The following GAREM1 variants were observed in gnomAD, a reference collection of about 807,000 sequenced individuals.
GAREM1 encodes the protein GRB2 associated regulator of MAPK1 subtype 1, also known as GRB2-associated and regulator of MAPK protein 1.
A neutral mutation model predicts 71.3 loss-of-function variants in GAREM1; 26 were observed. The observed-to-expected ratio is 0.36, with a 90% confidence interval of 0.27 to 0.51. GAREM1 has a LOEUF of 0.51. GAREM1 is among the 20% of genes least tolerant of loss of function. The pLI, the probability that GAREM1 is intolerant of heterozygous loss-of-function variation, is 0.95. For synonymous variants in GAREM1, 440 were observed against 433.2 expected (o/e 1.02, Z -0.20); for missense variants, 1,026 against 1,103.1 (o/e 0.93, Z 0.99).
chr18:32,402,296 G>A (rs987520932), intron 1 of GAREM1, among the ~76,000 whole-genome samples: 2 of 151,972 alleles, frequency 1.3e-5, no homozygotes, highest in African/African-American at 4.8e-5. Context: ...GGATATGCTT[G>A]GATTTTACTT....
At chr18:32,406,733 T>C (rs768849931) in intron 1 of GAREM1, among the ~76,000 whole-genome samples, 9 of 152,044 alleles carry the variant, frequency 5.9e-5, no homozygotes, top group East Asian at 1.9e-4. Flanking sequence ...CAGGTAATAA[T>C]TGAAGTCAAT....
intron 1 of GAREM1, among the ~76,000 whole-genome samples, chr18:32,400,528 T>C (rs372911377): frequency 2.6e-5 from 4 of 152,236 alleles, no homozygotes; most frequent in South Asian, 4.2e-4. Flanking sequence ...TGAACAGACA[T>C]TTCTCAAAAG....
intron 2 of GAREM1, among the ~76,000 whole-genome samples, chr18:32,329,765 A>G (rs972238088): frequency 1.3e-5 from 2 of 151,408 alleles, no homozygotes; most frequent in Non-Finnish European, 2.9e-5. Flanking sequence ...TGATGTAGGT[A>G]AGAAATTTCA....
intron 2 of GAREM1, among the ~76,000 whole-genome samples, chr18:32,372,785 G>A (rs1404057099): frequency 6.6e-6 from 1 of 152,186 alleles, no homozygotes; most frequent in Admixed American, 6.5e-5. Context: ...CAGGAAATGG[G>A]GCAAGAGGTC....
In GAREM1 at chr18:32,267,862, G is replaced by T. The variant is rs761084945; in HGVS notation, c.*9C>A. The T allele has an allele frequency of 1.2e-6, 2 of 1,603,338 alleles. No homozygotes were observed. Among genetic ancestry groups the T allele is most frequent in the East Asian group, 2.2e-5 (1 of 44,742 alleles). On this transcript the variant is annotated 3_prime_UTR_variant, in exon 6 of 6. Transcript: ENST00000269209. ...CAGTTTTGTTCCATGCTGGCCGGGG[G>T]TTATTTGGCTATATTTTGGGCCTCC...
chr18:32,444,036 G>T (rs8087781), intron 1 of GAREM1, among the ~76,000 whole-genome samples: 39,142 of 151,892 alleles, frequency 0.26, 6,496 homozygotes, highest in African/African-American at 0.46. Context: ...TATTGTATGA[G>T]TCCATTTACA....
intron 2 of GAREM1, among the ~76,000 whole-genome samples, chr18:32,374,378 T>C (rs1232292875): frequency 6.6e-6 from 1 of 152,244 alleles, no homozygotes. Context: ...GATGAACAAC[T>C]GAACTCCCCA....
At chr18:32,432,582 T>C (rs903465536) in intron 1 of GAREM1, among the ~76,000 whole-genome samples, 4 of 152,036 alleles carry the variant, frequency 2.6e-5, no homozygotes, top group Admixed American at 2.6e-4. Context: ...AGAAGAGATA[T>C]AAATTATCAA....
chr18:32,335,421 G>T (rs1025160816), intron 2 of GAREM1, among the ~76,000 whole-genome samples: 1 of 152,110 alleles, frequency 6.6e-6, no homozygotes, highest in Non-Finnish European at 1.5e-5. Context: ...ACACAGCTTG[G>T]GTCCTTACTG....
intron 1 of GAREM1, among the ~76,000 whole-genome samples, chr18:32,425,020 A>G (rs1282582969): frequency 6.6e-6 from 1 of 152,138 alleles, no homozygotes; most frequent in Non-Finnish European, 1.5e-5. Flanking sequence ...ACCAGTCCCA[A>G]TTTAGTGTTT....
intron 1 of GAREM1, among the ~76,000 whole-genome samples, chr18:32,463,278 A>C (rs1357575584): frequency 1.3e-5 from 2 of 152,070 alleles, no homozygotes; most frequent in Non-Finnish European, 2.9e-5. Context: ...CTTACATTCA[A>C]GATACTTGTT....
At chr18:32,334,920 G>A (rs1199132284) in intron 2 of GAREM1, among the ~76,000 whole-genome samples, 1 of 152,144 alleles carries the variant, frequency 6.6e-6, no homozygotes, top group Non-Finnish European at 1.5e-5. Flanking sequence ...CCAGAAGGAG[G>A]TGGCTGATAC....
At chr18:32,346,341 G>C (rs2047696503) in intron 2 of GAREM1, among the ~76,000 whole-genome samples, 1 of 152,064 alleles carries the variant, frequency 6.6e-6, no homozygotes, top group South Asian at 2.1e-4. Context: ...AATATTTCAA[G>C]ATACTCTCAC....
At chr18:32,312,535 GC>G (rs556979416) in intron 2 of GAREM1, among the ~76,000 whole-genome samples, 38 of 152,298 alleles carry the variant, frequency 2.5e-4, no homozygotes, top group Admixed American at 5.2e-4. Flanking sequence ...ATTGAAGGCA[GC>G]CTGGGAAGAG....
chr18:32,461,091 T>A (rs1474754983), intron 1 of GAREM1, among the ~76,000 whole-genome samples: 3 of 150,746 alleles, frequency 2.0e-5, no homozygotes, highest in Non-Finnish European at 4.4e-5. Context: ...CCAATTTACA[T>A]ATTTAAAAAT....
chr18:32,358,921 A>G (rs1236335285), intron 2 of GAREM1, among the ~76,000 whole-genome samples: 2 of 152,208 alleles, frequency 1.3e-5, no homozygotes, highest in African/African-American at 4.8e-5. Context: ...AAGAATTTCA[A>G]AACGGCGACA....
intron 1 of GAREM1, among the ~76,000 whole-genome samples, chr18:32,432,342 C>G (rs2048632132): frequency 6.6e-6 from 1 of 151,854 alleles, no homozygotes; most frequent in Admixed American, 6.6e-5. Flanking sequence ...ATCTAAACTT[C>G]CACTTTAAGC....
intron 2 of GAREM1, among the ~76,000 whole-genome samples, chr18:32,349,146 A>G (rs1307473853): frequency 1.3e-5 from 2 of 152,226 alleles, no homozygotes; most frequent in Non-Finnish European, 2.9e-5. Context: ...CAAATGCAGC[A>G]GATATAAAAT....
At chr18:32,281,523 C>T (rs568207271) in intron 4 of GAREM1, among the ~76,000 whole-genome samples, 48 of 152,302 alleles carry the variant, frequency 3.2e-4, no homozygotes, top group African/African-American at 1.1e-3. Context: ...TGGGGCAACC[C>T]TGTCTAACAC....
Sources: gnomAD v4.1 joint callset for allele counts (sites outside exome capture counted in the v4.1 genomes callset) on GRCh38, gnomAD v4.1.1 for gene constraint, MANE v1.5 for transcripts, NCBI Gene and HGNC (gene_info 2026-07-23, HGNC 2026-07-21) for gene names.